The following NPNT variants were observed in gnomAD, a reference collection of about 807,000 sequenced individuals.
NPNT encodes the protein preosteoblast EGF-like repeat protein with MAM domain.
Under a neutral mutation model 68.6 loss-of-function variants are expected in NPNT, and 45 were observed. The observed-to-expected ratio is 0.66, with a 90% confidence interval of 0.52 to 0.84. NPNT has a LOEUF of 0.84. NPNT is among the 40% of genes least tolerant of loss of function. NPNT has a pLI of 0.00. For missense variants in NPNT, 672 were observed against 714.8 expected, an observed-to-expected ratio of 0.94 and a Z score of 0.68; for synonymous variants, 233 against 253.3, an observed-to-expected ratio of 0.92 and a Z score of 0.76.
intron 10 of NPNT, among the ~76,000 whole-genome samples, chr4:105,961,449 A>T (rs1047386809): frequency 1.3e-5 from 2 of 152,206 alleles, no homozygotes; most frequent in African/African-American, 4.8e-5. Context: ...GGGGAGAGTA[A>T]TTCATGCTAA....
At chr4:105,923,820 T>TA (rs1444782597) in intron 2 of NPNT, among the ~76,000 whole-genome samples, 31 of 152,056 alleles carry the variant, frequency 2.0e-4, no homozygotes, top group African/African-American at 7.5e-4. Flanking sequence ...ATAGGGAACA[T>TA]AGTTTTCCAT....
chr4:105,922,917 A>G (rs571777242), intron 2 of NPNT, among the ~76,000 whole-genome samples: 2 of 152,274 alleles, frequency 1.3e-5, no homozygotes, highest in South Asian at 2.1e-4. Flanking sequence ...TTGCTAAACC[A>G]TATTTGGATG....
chr4:105,965,625 A>G (rs1017458163), intron 10 of NPNT, among the ~76,000 whole-genome samples: 1 of 152,328 alleles, frequency 6.6e-6, no homozygotes, highest in Middle Eastern at 3.4e-3. Context: ...AGTCTTAACC[A>G]GAGTACCTGT....
In NPNT at chr4:105,938,304, C is replaced by G; in HGVS notation, c.389C>G (p.Ala130Gly). ...MLMPDGSCSS[A>G]LTCSMANCQY... ...CAGCCAGTCACTCTCTTTCCAGGTG[C>G]CCTGACCTGCTCCATGGCAAACTGT... is the stretch of plus-strand genomic sequence containing the variant. The change falls in exon 5 of 12, where the codon GCC (alanine) becomes GGC (glycine). Residue 130 changes from alanine to glycine, a missense_variant. Coordinates refer to ENST00000379987, the MANE Select transcript of NPNT (RefSeq NM_001033047.3). 1 of 1,613,248 alleles carries G rather than the reference C, an allele frequency of 6.2e-7. No individual in the cohort carries two copies. Among genetic ancestry groups the G allele is most frequent in the Admixed American group, 1.7e-5 (1 of 59,928 alleles).
chr4:105,919,931 A>T (rs989800408), intron 2 of NPNT, among the ~76,000 whole-genome samples: 2 of 151,944 alleles, frequency 1.3e-5, no homozygotes, highest in African/African-American at 4.8e-5. Context: ...ACAAACTTTC[A>T]CTTGGTGAAA....
In NPNT at chr4:105,971,019, C is replaced by T; in HGVS notation, c.*2029C>T. The T allele has an allele frequency of 2.8e-6, 1 of 355,802 alleles. No individual in the cohort carries two copies. Among genetic ancestry groups the T allele is most frequent in the South Asian group, 2.1e-5 (1 of 46,578 alleles). 22.0% of individuals were successfully genotyped at this position (355,802 alleles called of 1,614,324 possible). A position where few individuals can be genotyped will look rare whatever the true frequency, so the allele number is the denominator to read the frequency against. ...GATATTTTAGTATCTCAGTAATGTCCTAGTGTGGCGGTGGTTTTCAATGTT... is the reference window on the plus strand; with the variant it reads ...GATATTTTAGTATCTCAGTAATGTCTTAGTGTGGCGGTGGTTTTCAATGTT... On this transcript the variant is annotated 3_prime_UTR_variant, in exon 12 of 12. Transcript: ENST00000379987.
intron 9 of NPNT, chr4:105,958,793 G>T (rs1731447334): frequency 7.4e-6 from 4 of 540,360 alleles, no homozygotes; most frequent in Non-Finnish European, 9.9e-6. Flanking sequence ...TATTTTATAA[G>T]TGATGATGTA....
chr4:105,896,034 G>T (rs968396358), intron 1 of NPNT: 7 of 411,030 alleles, frequency 1.7e-5, no homozygotes, highest in African/African-American at 4.2e-5. Flanking sequence ...TGAGGGCGCG[G>T]TTTAGCCACC....
chr4:105,966,509 T>C (rs1270635248), intron 10 of NPNT, among the ~76,000 whole-genome samples: 2 of 152,176 alleles, frequency 1.3e-5, no homozygotes, highest in African/African-American at 2.4e-5. Flanking sequence ...TGTTTTACTA[T>C]AAAAATGTTT....
At chr4:105,940,256 T>G (rs1578647051) in intron 6 of NPNT, 47 bp downstream of exon 6, 1 of 1,587,530 alleles carries the variant, frequency 6.3e-7, no homozygotes, top group Non-Finnish European at 8.6e-7. Flanking sequence ...CCTAGAGCAC[T>G]GAAAGGTCTC....
rs369844601 is a variant in NPNT at position 105,967,355 on chromosome 4, G to A, written c.1513G>A (p.Gly505Ser). Residue 505 changes from glycine (G) to serine (S), a missense_variant, in exon 11 of 12, where the codon GGT becomes AGT. Gly to Ser is a moderately conservative substitution (Grantham distance 56). Coordinates refer to ENST00000379987, the MANE Select transcript of NPNT (RefSeq NM_001033047.3). ...ACTCCAGGTGTTTGTGAGAAAACAC[G>A]GTGCCCACGGAGCAGCCCTGTGGGG... ...GTLQVFVRKHGAHGAALWGRN... is the reference protein window; with the variant it reads ...GTLQVFVRKHSAHGAALWGRN... The A allele has an allele frequency of 1.4e-5, 23 of 1,609,690 alleles. No individual in the cohort carries two copies. The Admixed American group carries it at 1.5e-4, about 11-fold the overall frequency.
At chr4:105,935,583 A>G (rs1729432599) in intron 3 of NPNT, among the ~76,000 whole-genome samples, 1 of 152,206 alleles carries the variant, frequency 6.6e-6, no homozygotes, top group Non-Finnish European at 1.5e-5. Context: ...TGAAATATTT[A>G]AAATGTGATT....
intron 2 of NPNT, among the ~76,000 whole-genome samples, chr4:105,923,902 G>C (rs1198858159): frequency 6.6e-6 from 1 of 152,280 alleles, no homozygotes; most frequent in Middle Eastern, 3.4e-3. Context: ...AAGGGAAAGA[G>C]ATATTGGTAA....
intron 8 of NPNT, among the ~76,000 whole-genome samples, chr4:105,957,561 T>C (rs1050060241): frequency 1.3e-5 from 2 of 152,156 alleles, no homozygotes; most frequent in East Asian, 1.9e-4. Context: ...TGAGTGCCTG[T>C]CACCAGGTCA....
chr4:105,967,314 G>T lies in NPNT; in HGVS notation c.1472G>T (p.Gly491Val). 6.2e-7 allele frequency: 1 copy of T among 1,613,896 alleles called. No individual in the cohort carries two copies. The highest frequency in any genetic ancestry group is 8.5e-7 in the Non-Finnish European group (1 of 1,179,924). ...LCLSFRHKVT[G>V]LHSGTLQVFV... ...CTGTCATTCAGGCACAAGGTGACGG[G>T]GCTGCACTCTGGCACACTCCAGGTG... is the stretch of plus-strand genomic sequence containing the variant. Residue 491 changes from glycine (G) to valine (V), a missense_variant, in exon 11 of 12, where the codon GGG (glycine) becomes GTG (valine). Gly to Val is a moderately radical substitution (Grantham distance 109, BLOSUM62 -3). Transcript: ENST00000379987.
rs148058271 is a variant in NPNT at position 105,956,186 on chromosome 4, T to G, written c.1160-2285T>G. The stretch of plus-strand genomic sequence containing the variant: ...CTAATCTCTTCCTTTCTCTTCAACC[T>G]CATCCCATGCCGCTTTCTTCATTTC... On this transcript the variant is annotated intron_variant, in intron 8 of 11. Transcript: ENST00000379987. Among the ~76,000 whole-genome samples, 848 of 152,274 alleles carry G rather than the reference T, an allele frequency of 5.6e-3. 9 individuals are homozygous for G. Among genetic ancestry groups the G allele is most frequent in the African/African-American group, 0.02 (814 of 41,568 alleles).
intron 8 of NPNT, among the ~76,000 whole-genome samples, chr4:105,955,575 CAT>C (rs1731159208): frequency 6.6e-6 from 1 of 151,272 alleles, no homozygotes; most frequent in African/African-American, 2.4e-5. Context: ...ATCCTAAAAA[CAT>C]AGAATTACAA....
chr4:105,967,537 A>G, intron 11 of NPNT, 93 bp downstream of exon 11: 3 of 1,307,470 alleles, frequency 2.3e-6, no homozygotes, highest in Middle Eastern at 4.0e-4. Context: ...TGCTGTGTGA[A>G]TTCAGGCTCA....
At chr4:105,924,046 C>CG (rs1161609743) in intron 2 of NPNT, among the ~76,000 whole-genome samples, 3 of 151,884 alleles carry the variant, frequency 2.0e-5, no homozygotes, top group Non-Finnish European at 2.9e-5. Flanking sequence ...TGCGCCCCCC[C>CG]CCCACCACTT....
Sources: allele counts gnomAD v4.1 joint callset (sites outside exome capture counted in the v4.1 genomes callset), GRCh38; gene constraint gnomAD v4.1.1; transcripts MANE v1.5; gene names NCBI Gene and HGNC (gene_info 2026-07-23, HGNC 2026-07-21).